Variants in PPP1R1C observed in about 807,000 individuals in gnomAD.
PPP1R1C encodes protein phosphatase 1 regulatory inhibitor subunit 1C.
PPP1R1C carries 15 observed loss-of-function variants against 17.4 expected under a neutral mutation model. That is an observed-to-expected ratio of 0.86 (90% CI 0.58 to 1.33). The LOEUF (loss-of-function observed/expected upper bound fraction) is 1.33, where lower values mean the gene tolerates loss of function less well. Among genes scored for constraint, PPP1R1C ranks in the 40% most tolerant of loss-of-function variants. PPP1R1C has a pLI of 0.00. For missense variants in PPP1R1C, 143 were observed against 130.0 expected (o/e 1.10, Z -0.48); for synonymous variants, 35 against 43.1 (o/e 0.81, Z 0.73).
At chr2:182,127,425 G>C (rs1157205081) in intron 5 of PPP1R1C, among the ~76,000 whole-genome samples, 1 of 152,024 alleles carries the variant, frequency 6.6e-6, no homozygotes, top group Non-Finnish European at 1.5e-5. Flanking sequence ...GCAAACAACG[G>C]TGTAGAGATA....
chr2:181,964,777 C>T (rs1684877149), intron 1 of PPP1R1C, among the ~76,000 whole-genome samples: 1 of 152,172 alleles, frequency 6.6e-6, no homozygotes, highest in African/African-American at 2.4e-5. Context: ...GCAATCTCAG[C>T]TCACTACAAC....
chr2:182,058,671 A>T (rs946061034), intron 2 of PPP1R1C, among the ~76,000 whole-genome samples: 2 of 152,074 alleles, frequency 1.3e-5, no homozygotes, highest in Non-Finnish European at 2.9e-5. Context: ...GTAATTCAGG[A>T]ATTTTACGTG....
At chr2:182,004,288 G>A (rs1685852110) in intron 2 of PPP1R1C, among the ~76,000 whole-genome samples, 1 of 152,072 alleles carries the variant, frequency 6.6e-6, no homozygotes, top group Non-Finnish European at 1.5e-5. Context: ...CTACTCCCTA[G>A]CAATACACAG....
At chr2:182,077,043 A>G (rs1688334337) in intron 4 of PPP1R1C, among the ~76,000 whole-genome samples, 3 of 152,364 alleles carry the variant, frequency 2.0e-5, no homozygotes, top group Admixed American at 2.0e-4. Context: ...ACTTGGGCAT[A>G]CAAATGTGTC....
chr2:182,022,811 A>T (rs944975378), intron 2 of PPP1R1C, among the ~76,000 whole-genome samples: 2 of 152,228 alleles, frequency 1.3e-5, no homozygotes, highest in African/African-American at 4.8e-5. Context: ...AATGTTGCTA[A>T]CAGGTGGAGT....
At chr2:181,980,716 T>C (rs917061395) in intron 2 of PPP1R1C, among the ~76,000 whole-genome samples, 1 of 152,166 alleles carries the variant, frequency 6.6e-6, no homozygotes, top group Non-Finnish European at 1.5e-5. Context: ...TTAAACATAA[T>C]TGAGTGACTA....
chr2:182,110,749 T>C (rs1393300952), intron 4 of PPP1R1C, among the ~76,000 whole-genome samples: 1 of 152,160 alleles, frequency 6.6e-6, no homozygotes, highest in Non-Finnish European at 1.5e-5. Context: ...ATTCTTTATT[T>C]TAGATATGCT....
chr2:182,028,617 A>G (rs1203198314), intron 2 of PPP1R1C, among the ~76,000 whole-genome samples: 1 of 151,980 alleles, frequency 6.6e-6, no homozygotes, highest in Admixed American at 6.6e-5. Flanking sequence ...TTGCTGAGGA[A>G]AGCTTTACTT....
At chr2:181,981,223 C>G, upstream of PPP1R1C, among the ~76,000 whole-genome samples, 1 of 152,208 alleles carries the variant, frequency 6.6e-6, no homozygotes, top group South Asian at 2.1e-4. Context: ...CCACCGTGCC[C>G]GGCCAAGGAG....
intron 2 of PPP1R1C, among the ~76,000 whole-genome samples, chr2:182,018,114 G>A (rs1423182771): frequency 6.6e-6 from 1 of 151,978 alleles, no homozygotes; most frequent in Non-Finnish European, 1.5e-5. Context: ...GCAAAAAATG[G>A]ACAGTAATGT....
intron 2 of PPP1R1C, among the ~76,000 whole-genome samples, chr2:182,044,502 C>T (rs1687283683): frequency 6.6e-6 from 1 of 152,182 alleles, no homozygotes; most frequent in South Asian, 2.1e-4. Flanking sequence ...TTACCCCACC[C>T]AACTTCCTTG....
intron 2 of PPP1R1C, among the ~76,000 whole-genome samples, chr2:182,041,503 G>A (rs2125179678): frequency 6.6e-6 from 1 of 151,676 alleles, no homozygotes. Flanking sequence ...CAGCTACTTG[G>A]GAGGCTAAGG....
chr2:182,119,522 A>G (rs553026616), downstream of PPP1R1C, among the ~76,000 whole-genome samples: 49 of 152,338 alleles, frequency 3.2e-4, no homozygotes, highest in African/African-American at 1.2e-3. Context: ...AGTCCCAACA[A>G]CAGTGTAAAA....
intron 2 of PPP1R1C, among the ~76,000 whole-genome samples, chr2:182,019,193 A>G (rs1686343763): frequency 6.6e-6 from 1 of 152,188 alleles, no homozygotes; most frequent in African/African-American, 2.4e-5. Flanking sequence ...TACAGCTTGA[A>G]GTTATCTAAG....
chr2:182,087,328 C>A (rs1437112361), intron 4 of PPP1R1C, among the ~76,000 whole-genome samples: 1 of 152,230 alleles, frequency 6.6e-6, no homozygotes, highest in Non-Finnish European at 1.5e-5. Context: ...CCAGCTTGCT[C>A]TGCCTGAAGC....
downstream of PPP1R1C, among the ~76,000 whole-genome samples, chr2:182,121,465 C>T (rs909281279): frequency 6.6e-6 from 1 of 151,870 alleles, no homozygotes; most frequent in African/African-American, 2.4e-5. Flanking sequence ...TTAATCACCC[C>T]ACTTATTTTA....
chr2:182,066,972 G>T (rs5003053), intron 4 of PPP1R1C, among the ~76,000 whole-genome samples: 91,856 of 147,566 alleles, frequency 0.62, 29,519 homozygotes, highest in Non-Finnish European at 0.73. Flanking sequence ...GTGTGTTTGT[G>T]TGTGTGTGTG....
intron 4 of PPP1R1C, among the ~76,000 whole-genome samples, chr2:182,071,238 C>T (rs1329007684): frequency 2.6e-5 from 4 of 152,174 alleles, no homozygotes; most frequent in Non-Finnish European, 4.4e-5. Flanking sequence ...TCTCCTTAGG[C>T]TCCTCTGGGA....
intron 1 of PPP1R1C, among the ~76,000 whole-genome samples, chr2:181,971,027 G>A (rs1247235339): frequency 6.6e-6 from 1 of 151,748 alleles, no homozygotes; most frequent in African/African-American, 2.4e-5. Flanking sequence ...CCAAGGCCTG[G>A]AATCAGGAGC....
Sources: gnomAD v4.1 joint callset for allele counts (sites outside exome capture counted in the v4.1 genomes callset) on GRCh38, gnomAD v4.1.1 for gene constraint, MANE v1.5 for transcripts, NCBI Gene and HGNC (gene_info 2026-07-23, HGNC 2026-07-21) for gene names.